SLC10A7: variants seen among roughly 807,000 people sequenced by gnomAD.
SLC10A7 encodes the protein solute carrier family 10 member 7.
In SLC10A7, 29 loss-of-function variants were observed where a neutral mutation model predicts 43.2. That is an observed-to-expected ratio of 0.67 (90% CI 0.50 to 0.92). The LOEUF is 0.92. Among genes scored for constraint, SLC10A7 ranks in the 40% least tolerant of loss-of-function variants. SLC10A7 has a pLI of 0.00. For missense variants in SLC10A7, 295 were observed against 403.2 expected (o/e 0.73, Z 2.30); for synonymous variants, 152 against 144.8 (o/e 1.05, Z -0.35).
At chr4:146,315,009 A>G (rs1005110667) in intron 6 of SLC10A7, among the ~76,000 whole-genome samples, 4 of 152,144 alleles carry the variant, frequency 2.6e-5, no homozygotes, top group African/African-American at 4.8e-5. Flanking sequence ...AGTAGGAAAG[A>G]AGCCTAGATA....
chr4:146,358,765 C>G (rs1735837080), intron 5 of SLC10A7, among the ~76,000 whole-genome samples: 1 of 151,964 alleles, frequency 6.6e-6, no homozygotes, highest in South Asian at 2.1e-4. Context: ...TTTATCCATT[C>G]TCCTGATGAT....
At chr4:146,504,322 A>G (rs1375861918) in intron 3 of SLC10A7, among the ~76,000 whole-genome samples, 4 of 152,124 alleles carry the variant, frequency 2.6e-5, no homozygotes, top group African/African-American at 9.7e-5. Context: ...GATCGAGACC[A>G]TCCTGGCTAA....
intron 9 of SLC10A7, among the ~76,000 whole-genome samples, chr4:146,285,608 T>G (rs1281537560): frequency 5.3e-5 from 8 of 152,170 alleles, no homozygotes; most frequent in Non-Finnish European, 1.0e-4. Flanking sequence ...TTATTATTGC[T>G]TTGAGAGAGA....
intron 5 of SLC10A7, among the ~76,000 whole-genome samples, chr4:146,417,704 A>G (rs909073894): frequency 1.3e-5 from 2 of 152,232 alleles, no homozygotes; most frequent in Admixed American, 6.5e-5. Context: ...TATATAATAT[A>G]GTGAAGACTT....
chr4:146,319,271 C>T (rs183905561), intron 6 of SLC10A7, among the ~76,000 whole-genome samples: 26 of 152,160 alleles, frequency 1.7e-4, no homozygotes, highest in Middle Eastern at 3.4e-3. Context: ...CTTAAGGACA[C>T]TGGGTATACT....
intron 4 of SLC10A7, among the ~76,000 whole-genome samples, chr4:146,494,327 C>T (rs769921995): frequency 7.9e-5 from 12 of 152,170 alleles, no homozygotes; most frequent in Non-Finnish European, 1.5e-4. Flanking sequence ...GTCAGGCGGC[C>T]TATCAGCAAA....
intron 5 of SLC10A7, among the ~76,000 whole-genome samples, chr4:146,410,198 T>C (rs1728088224): frequency 6.6e-6 from 1 of 152,180 alleles, no homozygotes; most frequent in South Asian, 2.1e-4. Flanking sequence ...CTAACATTAG[T>C]ATTAATAGTC....
chr4:146,287,682 C>T (rs1730127231), intron 9 of SLC10A7, among the ~76,000 whole-genome samples: 2 of 152,124 alleles, frequency 1.3e-5, no homozygotes, highest in Admixed American at 1.3e-4. Context: ...GATTGTAGAA[C>T]ATGTAATGTG....
chr4:146,494,362 G>A (rs1366411069), intron 4 of SLC10A7, among the ~76,000 whole-genome samples: 3 of 152,174 alleles, frequency 2.0e-5, no homozygotes, highest in African/African-American at 7.2e-5. Context: ...GCCACAGCAT[G>A]TTAAGCTGGA....
intron 5 of SLC10A7, among the ~76,000 whole-genome samples, chr4:146,378,860 CCAATGGG>C (rs1737397762): frequency 6.6e-6 from 1 of 152,084 alleles, no homozygotes; most frequent in Non-Finnish European, 1.5e-5. Context: ...AACTCAAAGC[CCAATGGG>C]AAGGCTGATG....
In SLC10A7 at chr4:146,521,604, G is replaced by T. The variant is rs770467744; in HGVS notation, c.100+14C>A. ...TGGGAGCCGCGGTGGAGCCGGCAGA[G>T]GTGCAGCACTTACCCCCATTCACCC... On this transcript the variant is annotated intron_variant, in intron 1 of 11. Coordinates refer to ENST00000335472, the MANE Select transcript of SLC10A7 (RefSeq NM_001029998.6). 3.1e-6 allele frequency: 5 copies of T among 1,605,250 alleles called. No homozygotes were observed. Among genetic ancestry groups the T allele is most frequent in the Non-Finnish European group, 4.3e-6 (5 of 1,173,452 alleles).
chr4:146,258,195 TA>T (rs1477526223), intron 11 of SLC10A7, among the ~76,000 whole-genome samples: 2 of 152,190 alleles, frequency 1.3e-5, no homozygotes, highest in African/African-American at 4.8e-5. Flanking sequence ...CTTAGCTACT[TA>T]AAGTTTATTT....
At chr4:146,515,342 T>C (rs766121772) in intron 2 of SLC10A7, among the ~76,000 whole-genome samples, 1 of 152,184 alleles carries the variant, frequency 6.6e-6, no homozygotes, top group Non-Finnish European at 1.5e-5. Context: ...TCCAACATTA[T>C]GGTAGTAGCA....
intron 4 of SLC10A7, among the ~76,000 whole-genome samples, chr4:146,467,538 T>G (rs1317947533): frequency 6.7e-6 from 1 of 148,978 alleles, no homozygotes; most frequent in Non-Finnish European, 1.5e-5. Flanking sequence ...CATGTTTTTT[T>G]GCCCTTTTCT....
At chr4:146,482,277 A>C (rs976346054) in intron 4 of SLC10A7, among the ~76,000 whole-genome samples, 4 of 152,348 alleles carry the variant, frequency 2.6e-5, no homozygotes. Context: ...ACAGAAAGAG[A>C]AATTTACTAA....
At chr4:146,318,267 C>T (rs1320593830) in intron 6 of SLC10A7, among the ~76,000 whole-genome samples, 1 of 152,194 alleles carries the variant, frequency 6.6e-6, no homozygotes, top group East Asian at 1.9e-4. Context: ...CTTTCCTCAA[C>T]CCATCCAATC....
At chr4:146,485,953 G>A (rs1176422549) in intron 4 of SLC10A7, among the ~76,000 whole-genome samples, 1 of 152,052 alleles carries the variant, frequency 6.6e-6, no homozygotes, top group Non-Finnish European at 1.5e-5. Context: ...TAAAAATATA[G>A]AGATTAAAAA....
At chr4:146,489,806 C>T (rs777229348) in intron 4 of SLC10A7, among the ~76,000 whole-genome samples, 11 of 152,088 alleles carry the variant, frequency 7.2e-5, no homozygotes, top group Non-Finnish European at 1.2e-4. Flanking sequence ...TGGTAAAAGA[C>T]TCCTCTATTT....
At chr4:146,459,315 T>C (rs1732330866) in intron 4 of SLC10A7, among the ~76,000 whole-genome samples, 1 of 151,774 alleles carries the variant, frequency 6.6e-6, no homozygotes, top group Non-Finnish European at 1.5e-5. Flanking sequence ...ACAGGATTTT[T>C]AGTAGAAATT....
Sources: gnomAD v4.1 joint callset for allele counts (sites outside exome capture counted in the v4.1 genomes callset) on GRCh38, gnomAD v4.1.1 for gene constraint, MANE v1.5 for transcripts, NCBI Gene and HGNC (gene_info 2026-07-23, HGNC 2026-07-21) for gene names.